GRM8: variants seen among roughly 807,000 people sequenced by gnomAD.
The protein encoded by GRM8 is metabotropic glutamate receptor 8.
Under a neutral mutation model 87.2 loss-of-function variants are expected in GRM8, and 47 were observed. That is an observed-to-expected ratio of 0.54 (90% CI 0.43 to 0.69). The LOEUF (loss-of-function observed/expected upper bound fraction) is 0.69, where lower values mean the gene tolerates loss of function less well. GRM8 is among the 30% of genes least tolerant of loss of function. The pLI, the probability that GRM8 is intolerant of heterozygous loss-of-function variation, is 0.00. For missense variants in GRM8, 1,019 were observed against 1,139.2 expected (o/e 0.89, Z 1.52); for synonymous variants, 396 against 404.5 (o/e 0.98, Z 0.25).
At chr7:126,489,643 T>C (rs1424189961) in intron 9 of GRM8, among the ~76,000 whole-genome samples, 1 of 152,100 alleles carries the variant, frequency 6.6e-6, no homozygotes, top group Non-Finnish European at 1.5e-5. Context: ...TTTTTCCCTT[T>C]AAGGTTTTAC....
intron 6 of GRM8, among the ~76,000 whole-genome samples, chr7:126,791,213 T>C (rs1321514876): frequency 4.6e-5 from 7 of 152,178 alleles, no homozygotes; most frequent in Admixed American, 4.6e-4. Flanking sequence ...TTAAGAATAT[T>C]ACATTACTAC....
intron 7 of GRM8, among the ~76,000 whole-genome samples, chr7:126,720,656 C>T (rs1458725580): frequency 6.6e-6 from 1 of 151,942 alleles, no homozygotes; most frequent in Non-Finnish European, 1.5e-5. Context: ...ATTCATAATT[C>T]TAATATACTA....
chr7:127,194,713 GA>G (rs1421459412), intron 2 of GRM8, among the ~76,000 whole-genome samples: 1 of 152,128 alleles, frequency 6.6e-6, no homozygotes, highest in East Asian at 1.9e-4. Flanking sequence ...GGGGGACATG[GA>G]AAATGTGAAT....
At chr7:127,151,594 CT>C (rs1355825804) in intron 2 of GRM8, among the ~76,000 whole-genome samples, 4 of 152,040 alleles carry the variant, frequency 2.6e-5, no homozygotes, top group Admixed American at 2.6e-4. Context: ...CAACATCTGC[CT>C]TTCATTATCA....
At chr7:127,051,850 C>T (rs1277503403) in intron 3 of GRM8, among the ~76,000 whole-genome samples, 3 of 150,300 alleles carry the variant, frequency 2.0e-5, no homozygotes, top group Non-Finnish European at 4.4e-5. Flanking sequence ...TTGTTTGTGG[C>T]ATGCCCACAT....
At chr7:127,092,038 G>A (rs368481320) in intron 3 of GRM8, among the ~76,000 whole-genome samples, 60 of 28,468 alleles carry the variant, frequency 2.1e-3, no homozygotes, top group South Asian at 7.0e-3. Flanking sequence ...TCATCCCCCC[G>A]TCCCACTGGT....
Position 127,208,847 on chromosome 7 carries a change from G to C in GRM8, c.510+33848C>G, listed in dbSNP as rs190424753. 3.5e-4 allele frequency among the ~76,000 whole-genome samples: 53 copies of C among 152,294 alleles called. 1 individual carries two copies. In the Middle Eastern group the frequency reaches 0.01, roughly 29 times the overall value. On this transcript the variant is annotated intron_variant, in intron 2 of 10. Coordinates refer to ENST00000339582, the MANE Select transcript of GRM8 (RefSeq NM_000845.3). Reference sequence around the variant, plus strand: ...TTGTTTTCAGTCATATCATTACAGAGCAGCATTGAGTTTTCCAGTTTATAA... The same window carrying C: ...TTGTTTTCAGTCATATCATTACAGACCAGCATTGAGTTTTCCAGTTTATAA...
chr7:127,162,185 G>A (rs1235948903), intron 2 of GRM8, among the ~76,000 whole-genome samples: 7 of 152,306 alleles, frequency 4.6e-5, no homozygotes, highest in African/African-American at 1.7e-4. Context: ...AAGATATTTT[G>A]GAGCCCTGGG....
At chr7:126,603,649 A>C (rs1798049169) in intron 8 of GRM8, among the ~76,000 whole-genome samples, 1 of 152,162 alleles carries the variant, frequency 6.6e-6, no homozygotes, top group Non-Finnish European at 1.5e-5. Flanking sequence ...GGGCCCAGGG[A>C]ATTGACTCAC....
intron 3 of GRM8, among the ~76,000 whole-genome samples, chr7:127,086,762 C>A (rs1464363636): frequency 2.0e-5 from 3 of 152,178 alleles, no homozygotes; most frequent in African/African-American, 4.8e-5. Context: ...GGGTGCAGTG[C>A]ATCTTATGGA....
rs970867764 is a variant in GRM8, at chr7:126,836,621, C to T, written c.1156+65921G>A. The stretch of plus-strand genomic sequence containing the variant: ...TCTCTGGCTCCTCCCCTGCCTCGTA[C>T]TCACCTGCTGTCTCCTGCTCATCTT... On this transcript the variant is annotated intron_variant, in intron 6 of 10. Transcript: ENST00000339582. Among the ~76,000 whole-genome samples the T allele has an allele frequency of 4.6e-5, 7 of 152,272 alleles. 1 individual carries two copies. Among genetic ancestry groups the T allele is most frequent in the Admixed American group, 2.6e-4 (4 of 15,280 alleles).
chr7:126,935,271 G>A (rs1806194236), intron 3 of GRM8, among the ~76,000 whole-genome samples: 1 of 151,992 alleles, frequency 6.6e-6, no homozygotes, highest in Non-Finnish European at 1.5e-5. Context: ...GTTGAAGAGG[G>A]AAACTTCCAT....
At chr7:126,483,096 T>C (rs572178185) in intron 9 of GRM8, among the ~76,000 whole-genome samples, 1 of 147,984 alleles carries the variant, frequency 6.8e-6, no homozygotes, top group South Asian at 2.1e-4. Flanking sequence ...CTATATTTAT[T>C]TGTTATATAA....
intron 3 of GRM8, among the ~76,000 whole-genome samples, chr7:127,095,418 T>C (rs561104835): frequency 2.0e-5 from 3 of 152,122 alleles, no homozygotes; most frequent in East Asian, 1.9e-4. Context: ...CAGGGACTAA[T>C]AGTGTCAGGT....
chr7:126,691,409 C>G (rs764974309), intron 7 of GRM8, among the ~76,000 whole-genome samples: 4 of 152,136 alleles, frequency 2.6e-5, no homozygotes, highest in Non-Finnish European at 5.9e-5. Context: ...TTCCCAGGCC[C>G]CCAAAAGTGC....
chr7:126,673,301 C>T (rs914619969), intron 7 of GRM8, among the ~76,000 whole-genome samples: 65 of 152,234 alleles, frequency 4.3e-4, no homozygotes, highest in East Asian at 3.9e-4. Flanking sequence ...AGACAAGGAC[C>T]CTGTCTTTAG....
intron 6 of GRM8, among the ~76,000 whole-genome samples, chr7:126,861,448 A>C (rs1354652849): frequency 6.6e-6 from 1 of 152,056 alleles, no homozygotes; most frequent in Non-Finnish European, 1.5e-5. Flanking sequence ...GCAAATTTTC[A>C]ACATTACTAG....
intron 7 of GRM8, among the ~76,000 whole-genome samples, chr7:126,649,284 A>G (rs577291573): frequency 6.6e-6 from 1 of 152,246 alleles, no homozygotes; most frequent in South Asian, 2.1e-4. Context: ...CACCCTTAAT[A>G]TGGGTGGCCA....
At chr7:126,758,169 G>A (rs1176117768) in intron 7 of GRM8, among the ~76,000 whole-genome samples, 1 of 152,142 alleles carries the variant, frequency 6.6e-6, no homozygotes, top group African/African-American at 2.4e-5. Context: ...GTGTATGCTT[G>A]AAATTCAGTA....
Sources: allele counts gnomAD v4.1 joint callset (sites outside exome capture counted in the v4.1 genomes callset), GRCh38; gene constraint gnomAD v4.1.1; transcripts MANE v1.5; gene names NCBI Gene and HGNC (gene_info 2026-07-23, HGNC 2026-07-21).